Variants in DPYD observed in about 807,000 individuals in gnomAD.
DPYD encodes the protein dihydropyrimidine dehydrogenase [NADP(+)].
A neutral mutation model predicts 116.2 loss-of-function variants in DPYD; 109 were observed. The ratio of observed to expected loss-of-function variants is 0.94; its 90% CI spans 0.80 to 1.10. The LOEUF (loss-of-function observed/expected upper bound fraction) is 1.10, where lower values mean the gene tolerates loss of function less well. Among genes scored for constraint, DPYD ranks in the 50% least tolerant of loss-of-function variants. DPYD has a pLI of 0.00. For synonymous variants in DPYD, 440 were observed against 432.0 expected (o/e 1.02, Z -0.23); for missense variants, 1,302 against 1,254.5 (o/e 1.04, Z -0.57).
intron 3 of DPYD, among the ~76,000 whole-genome samples, chr1:97,764,099 A>G (rs1665722612): frequency 6.6e-6 from 1 of 152,064 alleles, no homozygotes; most frequent in South Asian, 2.1e-4. Context: ...AAAGTTGATA[A>G]AGAGGAAACA....
chr1:97,748,290 T>C (rs72734023), intron 3 of DPYD, among the ~76,000 whole-genome samples: 4 of 152,132 alleles, frequency 2.6e-5, no homozygotes, highest in Non-Finnish European at 5.9e-5. Context: ...AGAATGAAGA[T>C]AGATTATGGG....
chr1:97,634,642 A>G (rs1657460591), intron 8 of DPYD, among the ~76,000 whole-genome samples: 1 of 152,076 alleles, frequency 6.6e-6, no homozygotes, highest in South Asian at 2.1e-4. Context: ...AGTAGGTGGA[A>G]GATACAAAAT....
intron 13 of DPYD, among the ~76,000 whole-genome samples, chr1:97,463,195 GT>G (rs1677117796): frequency 6.6e-6 from 1 of 152,180 alleles, no homozygotes; most frequent in Non-Finnish European, 1.5e-5. Context: ...ATTCTCGAAT[GT>G]TGAGGGAGGG....
intron 14 of DPYD, among the ~76,000 whole-genome samples, chr1:97,411,794 C>G (rs181333985): frequency 5.5e-4 from 84 of 152,180 alleles, no homozygotes; most frequent in African/African-American, 1.9e-3. Flanking sequence ...GGACCTTTTT[C>G]AAAGTGATTG....
At chr1:97,240,601 A>C (rs1372467478) in intron 18 of DPYD, among the ~76,000 whole-genome samples, 1 of 152,030 alleles carries the variant, frequency 6.6e-6, no homozygotes, top group Non-Finnish European at 1.5e-5. Context: ...GCAAAAAGAA[A>C]ATGTAGTTTT....
chr1:97,440,340 G>A (rs1675707605), intron 14 of DPYD, among the ~76,000 whole-genome samples: 1 of 150,152 alleles, frequency 6.7e-6, no homozygotes, highest in Non-Finnish European at 1.5e-5. Flanking sequence ...CATTTTTCAT[G>A]AGATTATTTA....
Position 97,622,296 on chromosome 1 carries a change from C to T in DPYD, c.851-27130G>A, listed in dbSNP as rs115902122. 7.3e-3 allele frequency among the ~76,000 whole-genome samples: 1,107 copies of T among 151,980 alleles called. 16 individuals are homozygous for T. The highest frequency in any genetic ancestry group is 0.025 in the African/African-American group (1,052 of 41,476). On this transcript the variant is annotated intron_variant, in intron 8 of 22. Coordinates refer to ENST00000370192, the MANE Select transcript of DPYD (RefSeq NM_000110.4). ...TATAAAATAAGGTGATTTAAATAAC[C>T]CTTTACCTCTGTGGTCTTCTGCCCA...
At chr1:97,865,335 C>T (rs1431733636) in intron 2 of DPYD, among the ~76,000 whole-genome samples, 3 of 151,708 alleles carry the variant, frequency 2.0e-5, no homozygotes, top group Non-Finnish European at 4.4e-5. Context: ...TGTGGTTGTT[C>T]TAAGATAATA....
chr1:97,372,899 A>G (rs1170049134), intron 16 of DPYD, among the ~76,000 whole-genome samples: 1 of 152,232 alleles, frequency 6.6e-6, no homozygotes, highest in Non-Finnish European at 1.5e-5. Flanking sequence ...GGTAAATTAT[A>G]AGATGCAAAA....
intron 8 of DPYD, among the ~76,000 whole-genome samples, chr1:97,644,370 C>T (rs1338901111): frequency 1.3e-5 from 2 of 152,074 alleles, no homozygotes; most frequent in Non-Finnish European, 2.9e-5. Context: ...CTATATGTTG[C>T]AAATAATTTG....
At chr1:97,878,011 T>C (rs762181462) in intron 2 of DPYD, among the ~76,000 whole-genome samples, 2 of 151,976 alleles carry the variant, frequency 1.3e-5, no homozygotes, top group Non-Finnish European at 2.9e-5. Flanking sequence ...ATTTGGAACA[T>C]AAGAAATATT....
At chr1:97,638,536 G>T (rs918527718) in intron 8 of DPYD, among the ~76,000 whole-genome samples, 1 of 152,076 alleles carries the variant, frequency 6.6e-6, no homozygotes, top group Non-Finnish European at 1.5e-5. Context: ...TTGAGTGAGA[G>T]AAAATCTTCA....
At chr1:97,383,769 C>T (rs11165854) in intron 14 of DPYD, among the ~76,000 whole-genome samples, 9,111 of 152,156 alleles carry the variant, frequency 0.06, 321 homozygotes, top group African/African-American at 0.093. Context: ...AAAGCACATA[C>T]TTGATACACG....
chr1:97,272,447 C>T (rs1446690604), intron 18 of DPYD, among the ~76,000 whole-genome samples: 1 of 152,098 alleles, frequency 6.6e-6, no homozygotes, highest in Non-Finnish European at 1.5e-5. Context: ...TAATAAGGCA[C>T]TAATGAGATC....
intron 12 of DPYD, among the ~76,000 whole-genome samples, chr1:97,527,284 G>A (rs145238792): frequency 2.4e-3 from 369 of 152,092 alleles, no homozygotes; most frequent in Middle Eastern, 0.01. Flanking sequence ...TCACCATGTT[G>A]GCCAGGATGG....
In DPYD at chr1:97,253,232, C is replaced by T. The variant is rs552638085; in HGVS notation, c.2300-18238G>A. On this transcript the variant is annotated intron_variant, in intron 18 of 22. Transcript: ENST00000370192. ...ATAGCACTGTAATAATCCTACAAGGCGTGTTCAGAAGTGAAATAATTTAGA... is the reference window on the plus strand; with the variant it reads ...ATAGCACTGTAATAATCCTACAAGGTGTGTTCAGAAGTGAAATAATTTAGA... Among the ~76,000 whole-genome samples the T allele has an allele frequency of 3.9e-5, 6 of 152,198 alleles. No homozygotes were observed. In the South Asian group the frequency reaches 1.2e-3, roughly 32 times the overall value.
At chr1:97,165,356 T>C (rs552048524) in intron 20 of DPYD, among the ~76,000 whole-genome samples, 2 of 152,028 alleles carry the variant, frequency 1.3e-5, no homozygotes, top group African/African-American at 4.8e-5. Flanking sequence ...TAAATGATGC[T>C]GAGATAAATG....
At chr1:97,275,598 A>C (rs1664882524) in intron 18 of DPYD, among the ~76,000 whole-genome samples, 1 of 152,196 alleles carries the variant, frequency 6.6e-6, no homozygotes, top group Admixed American at 6.5e-5. Context: ...AGAAATTTTG[A>C]AATTTCTAAA....
At chr1:97,704,033 A>C (rs1203540589) in intron 5 of DPYD, among the ~76,000 whole-genome samples, 2 of 152,028 alleles carry the variant, frequency 1.3e-5, no homozygotes, top group African/African-American at 2.4e-5. Flanking sequence ...TTCTACCATC[A>C]ACCCTAAATT....
Sources: allele counts gnomAD v4.1 joint callset (sites outside exome capture counted in the v4.1 genomes callset), GRCh38; gene constraint gnomAD v4.1.1; transcripts MANE v1.5; gene names NCBI Gene and HGNC (gene_info 2026-07-23, HGNC 2026-07-21).